KCNH7: variants seen among roughly 807,000 people sequenced by gnomAD.
KCNH7 encodes the protein potassium voltage-gated channel subfamily H member 7.
A neutral mutation model predicts 120.8 loss-of-function variants in KCNH7; 49 were observed. The observed-to-expected ratio is 0.41, with a 90% CI of 0.32 to 0.51. The LOEUF (loss-of-function observed/expected upper bound fraction) is 0.51. Among genes scored for constraint, KCNH7 ranks in the 20% least tolerant of loss-of-function variants. KCNH7 has a pLI of 0.38. For missense variants in KCNH7, 1,097 were observed against 1,446.6 expected, an observed-to-expected ratio of 0.76 and a Z score of 3.92; for synonymous variants, 547 against 516.1, an observed-to-expected ratio of 1.06 and a Z score of -0.81.
At chr2:162,696,587 G>A (rs1274786192) in intron 2 of KCNH7, among the ~76,000 whole-genome samples, 1 of 151,996 alleles carries the variant, frequency 6.6e-6, no homozygotes. Flanking sequence ...CACTGCACTA[G>A]CAATGAACAT....
intron 2 of KCNH7, among the ~76,000 whole-genome samples, chr2:162,769,293 G>A (rs1283268722): frequency 6.6e-6 from 1 of 152,016 alleles, no homozygotes; most frequent in Non-Finnish European, 1.5e-5. Flanking sequence ...TCCCTAGAAG[G>A]TATTTTTCTC....
At chr2:162,544,670 C>G (rs1385855) in intron 2 of KCNH7, among the ~76,000 whole-genome samples, 41,727 of 151,900 alleles carry the variant, frequency 0.27, 10,111 homozygotes, top group African/African-American at 0.63. Context: ...TTGATAATTA[C>G]AGCTCTTCCC....
At chr2:162,645,062 A>C (rs1684305972) in intron 2 of KCNH7, among the ~76,000 whole-genome samples, 1 of 152,162 alleles carries the variant, frequency 6.6e-6, no homozygotes, top group African/African-American at 2.4e-5. Flanking sequence ...TGTTTTAGCA[A>C]AATCAGTGTA....
At chr2:162,799,263 G>A (rs2105538331) in intron 2 of KCNH7, among the ~76,000 whole-genome samples, 1 of 151,976 alleles carries the variant, frequency 6.6e-6, no homozygotes, top group Non-Finnish European at 1.5e-5. Context: ...ATATAGCAAT[G>A]ATGGGGTCTG....
intron 2 of KCNH7, among the ~76,000 whole-genome samples, chr2:162,697,747 A>AAAT (rs952755991): frequency 2.0e-5 from 3 of 151,892 alleles, no homozygotes; most frequent in Non-Finnish European, 2.9e-5. Flanking sequence ...TAATATTCCA[A>AAAT]AATAATAATA....
At chr2:162,797,373 A>G (rs1210586196) in intron 2 of KCNH7, 1 of 152,082 alleles carries the variant, frequency 6.6e-6, no homozygotes, top group African/African-American at 2.4e-5. Flanking sequence ...TTTCATATTT[A>G]AACAGAGAAA....
chr2:162,462,837 C>T (rs998919891), intron 6 of KCNH7, among the ~76,000 whole-genome samples: 3 of 151,830 alleles, frequency 2.0e-5, no homozygotes, highest in South Asian at 2.1e-4. Flanking sequence ...ACAATGTTTA[C>T]GTATTTCAAA....
intron 10 of KCNH7, among the ~76,000 whole-genome samples, chr2:162,397,762 C>T (rs1169802533): frequency 1.3e-5 from 2 of 151,794 alleles, no homozygotes; most frequent in Non-Finnish European, 2.9e-5. Flanking sequence ...TGCATTGCCT[C>T]AATTTGTTCC....
chr2:162,809,967 G>C (rs1221436434), intron 2 of KCNH7, among the ~76,000 whole-genome samples: 3 of 18,074 alleles, frequency 1.7e-4, no homozygotes, highest in African/African-American at 4.2e-4. Context: ...CCAGGCTGGA[G>C]TGCAGTGGCG....
At chr2:162,490,929 G>T (rs1235843626) in intron 6 of KCNH7, among the ~76,000 whole-genome samples, 1 of 152,230 alleles carries the variant, frequency 6.6e-6, no homozygotes, top group African/African-American at 2.4e-5. Context: ...GCATCCCTCA[G>T]CTCCACCCAA....
intron 2 of KCNH7, among the ~76,000 whole-genome samples, chr2:162,758,035 G>T (rs1264065883): frequency 6.6e-6 from 1 of 152,122 alleles, no homozygotes; most frequent in Non-Finnish European, 1.5e-5. Flanking sequence ...TGCAGATATG[G>T]TCTAACACTG....
In KCNH7 at chr2:162,486,668, T is replaced by A. The variant is rs534570771; in HGVS notation, c.1128+17775A>T. ...CTCAAGCTTTTCTTTTAAAGAGTTT[T>A]AAAATTTCTAACATATTCATGTTTG... On this transcript the variant is annotated intron_variant, in intron 6 of 15. Transcript: ENST00000332142. Among the ~76,000 whole-genome samples, 35 of 152,294 alleles carry A rather than the reference T, an allele frequency of 2.3e-4. 1 individual carries two copies. In the South Asian group the frequency reaches 7.2e-3, roughly 32 times the overall value.
At chr2:162,393,601 G>A (rs1438469702) in intron 12 of KCNH7, among the ~76,000 whole-genome samples, 1 of 151,884 alleles carries the variant, frequency 6.6e-6, no homozygotes, top group African/African-American at 2.4e-5. Context: ...AGAAAAAGAG[G>A]GGACCTTGTT....
chr2:162,391,768 A>G (rs1261535781), intron 12 of KCNH7, among the ~76,000 whole-genome samples: 1 of 152,056 alleles, frequency 6.6e-6, no homozygotes, highest in East Asian at 1.9e-4. Context: ...ATAAATCTTC[A>G]ACTATGTGGA....
At chr2:162,814,528 C>G (rs1008292721) in intron 2 of KCNH7, among the ~76,000 whole-genome samples, 1 of 152,150 alleles carries the variant, frequency 6.6e-6, no homozygotes, top group Non-Finnish European at 1.5e-5. Flanking sequence ...AGAGTGGGAG[C>G]TCTTTCATCT....
At chr2:162,601,976 A>G (rs535164097) in intron 2 of KCNH7, among the ~76,000 whole-genome samples, 85 of 152,246 alleles carry the variant, frequency 5.6e-4, no homozygotes, top group Non-Finnish European at 1.0e-3. Context: ...TTTGAATGCT[A>G]TAAGTCTCAC....
At chr2:162,409,397 G>A (rs1213317473) in intron 9 of KCNH7, among the ~76,000 whole-genome samples, 1 of 151,788 alleles carries the variant, frequency 6.6e-6, no homozygotes, top group African/African-American at 2.4e-5. Context: ...AATAATTACC[G>A]AGTAGGAGAG....
intron 2 of KCNH7, among the ~76,000 whole-genome samples, chr2:162,539,956 G>T (rs1022023787): frequency 2.0e-5 from 3 of 152,052 alleles, no homozygotes; most frequent in African/African-American, 7.2e-5. Flanking sequence ...ACTAAGTTCT[G>T]TCAAGATACT....
At chr2:162,838,164 T>G (rs1240182568) in intron 1 of KCNH7, among the ~76,000 whole-genome samples, 1 of 152,152 alleles carries the variant, frequency 6.6e-6, no homozygotes, top group East Asian at 1.9e-4. Context: ...CCCTTTAAGA[T>G]AGTAGAATAG....
Sources: gnomAD v4.1 joint callset for allele counts (sites outside exome capture counted in the v4.1 genomes callset) on GRCh38, gnomAD v4.1.1 for gene constraint, MANE v1.5 for transcripts, NCBI Gene and HGNC (gene_info 2026-07-23, HGNC 2026-07-21) for gene names.